CLSTN1: variants seen among roughly 807,000 people sequenced by gnomAD.
CLSTN1 encodes the protein calsyntenin-1.
A neutral mutation model predicts 108.3 loss-of-function variants in CLSTN1; 28 were observed. The ratio of observed to expected loss-of-function variants is 0.26; its 90% CI spans 0.19 to 0.35. The LOEUF is 0.35. Among genes scored for constraint, CLSTN1 ranks in the 10% least tolerant of loss-of-function variants. The probability of loss-of-function intolerance (pLI) is 1.00; values close to 1 mark genes in which losing one functional copy is unlikely to be tolerated. For synonymous variants in CLSTN1, 524 were observed against 534.9 expected (o/e 0.98, Z 0.28); for missense variants, 1,157 against 1,302.6 (o/e 0.89, Z 1.72).
intron 1 of CLSTN1, among the ~76,000 whole-genome samples, chr1:9,785,105 G>A (rs561485155): frequency 6.6e-6 from 1 of 151,476 alleles, no homozygotes; most frequent in African/African-American, 2.4e-5. Context: ...TTAGAGGAGA[G>A]GGGTTTTCAC....
chr1:9,730,400 C>CA lies in CLSTN1; in HGVS notation c.*107dup. The CA allele has an allele frequency of 9.6e-7, 1 of 1,040,946 alleles. No individual in the cohort carries two copies. Among genetic ancestry groups the CA allele is most frequent in the Non-Finnish European group, 1.5e-6 (1 of 687,934 alleles). 64.5% of individuals were successfully genotyped at this position (1,040,946 alleles called of 1,614,324 possible). ...GACGATCGTGGCGGGGAGGGGTCTG[C>CA]ACACCTACTGGCCGAAATGACTTTG... On this transcript the variant is annotated 3_prime_UTR_variant, in exon 19 of 19. Transcript: ENST00000377298. This position sits in a 1 kb window ranked among gnomAD's most constrained non-coding sequence, Gnocchi z 5.6.
chr1:9,783,920 G>A (rs1653363662), intron 1 of CLSTN1, among the ~76,000 whole-genome samples: 3 of 152,018 alleles, frequency 2.0e-5, no homozygotes, highest in South Asian at 2.1e-4. Context: ...TTGAACCTGG[G>A]AGGCAGAGGT....
intron 2 of CLSTN1, among the ~76,000 whole-genome samples, chr1:9,765,025 C>T (rs1258567390): frequency 6.6e-6 from 1 of 152,128 alleles, no homozygotes; most frequent in Non-Finnish European, 1.5e-5. Context: ...TTACTCAATG[C>T]ATTATTGCCT....
chr1:9,809,518 T>G (rs540557433), intron 1 of CLSTN1, among the ~76,000 whole-genome samples: 71 of 152,226 alleles, frequency 4.7e-4, no homozygotes, highest in African/African-American at 1.6e-3. Context: ...GGGTGGCTCA[T>G]GCCTGTAATC....
At chr1:9,753,042 C>A (rs1159751120) in intron 4 of CLSTN1, among the ~76,000 whole-genome samples, 1 of 152,098 alleles carries the variant, frequency 6.6e-6, no homozygotes, top group African/African-American at 2.4e-5. Context: ...CAGCAGTCCC[C>A]AGCCTTTTTG....
chr1:9,823,622 C>T lies in CLSTN1; in HGVS notation c.91+21G>A, dbSNP rs1489788524. The stretch of plus-strand genomic sequence containing the variant: ...CGAATCCCGCACCGACCCAGCGGCC[C>T]GGCCCAGCCCCGGGGCTTACCTCGC... On this transcript the variant is annotated intron_variant, in intron 1 of 18. Transcript: ENST00000377298. The surrounding 1 kb of genome is among the most constrained non-coding windows in gnomAD (Gnocchi z 6.3). The T allele has an allele frequency of 3.4e-6, 4 of 1,177,892 alleles. No homozygotes were observed. In the South Asian group the frequency reaches 1.7e-4, roughly 49 times the overall value. 73.0% of individuals were successfully genotyped at this position (1,177,892 alleles called of 1,614,324 possible). A position where few individuals can be genotyped will look rare whatever the true frequency, so the allele number is the denominator to read the frequency against.
At chr1:9,819,315 T>C (rs1655107466) in intron 1 of CLSTN1, among the ~76,000 whole-genome samples, 1 of 152,192 alleles carries the variant, frequency 6.6e-6, no homozygotes, top group Admixed American at 6.5e-5. Flanking sequence ...TCAGTACTTT[T>C]TTTCCTTTGT....
In CLSTN1 at chr1:9,734,590, G is replaced by A. The variant is rs1388536560; in HGVS notation, c.2110+358C>T. 2.7e-5 allele frequency among the ~76,000 whole-genome samples: 4 copies of A among 148,722 alleles called. No individual in the cohort carries two copies. The highest frequency in any genetic ancestry group is 6.7e-5 in the Admixed American group (1 of 14,998). On this transcript the variant is annotated intron_variant, in intron 14 of 18. Transcript: ENST00000377298. The surrounding 1 kb of genome is among the most constrained non-coding windows in gnomAD (Gnocchi z 4.8). ...ACTCCATCTCAAAAAAAAAAAAAAA[G>A]GGGGGGAGTTTCATGTGTCCTGAGC... is the stretch of plus-strand genomic sequence containing the variant.
intron 1 of CLSTN1, among the ~76,000 whole-genome samples, chr1:9,820,308 T>G (rs1224755578): frequency 6.6e-6 from 1 of 151,984 alleles, no homozygotes; most frequent in African/African-American, 2.4e-5. Context: ...TCACTTGAGG[T>G]CAGAAGTTCA....
chr1:9,782,387 T>C (rs1219724862), intron 1 of CLSTN1, among the ~76,000 whole-genome samples: 1 of 152,148 alleles, frequency 6.6e-6, no homozygotes, highest in African/African-American at 2.4e-5. Context: ...GTAATTTGAG[T>C]CCTTGACTAA....
rs1286486327 is a variant in CLSTN1, at chr1:9,749,814, T to C, written c.749A>G (p.Asp250Gly). The C allele has an allele frequency of 5.0e-6, 8 of 1,614,076 alleles. No individual in the cohort carries two copies. Among genetic ancestry groups the C allele is most frequent in the Non-Finnish European group, 6.8e-6 (8 of 1,180,036 alleles). The change falls in exon 6 of 19, where the codon GAT becomes GGT. Residue 250 changes from aspartate (D) to glycine (G), a missense_variant. By Grantham distance (94) the Asp-to-Gly change is moderately conservative (BLOSUM62 -1). Transcript: ENST00000377298. ...YDCGKKRATE[D>G]VLVKISIKPT... The stretch of plus-strand genomic sequence containing the variant: ...CTTAATGCTGATCTTCACCAAAACA[T>C]CTTCTGTGGCTCTTTTCTTCCCACA...
chr1:9,779,559 C>T (rs763598873), intron 1 of CLSTN1, among the ~76,000 whole-genome samples: 3 of 151,854 alleles, frequency 2.0e-5, no homozygotes, highest in South Asian at 2.1e-4. Context: ...CCAGCCTGGG[C>T]GACAAGAGTG....
chr1:9,735,065 G>C lies in CLSTN1; in HGVS notation c.1993C>G (p.Arg665Gly). The C allele has an allele frequency of 6.2e-7, 1 of 1,614,194 alleles. No homozygotes were observed. Among genetic ancestry groups the C allele is most frequent in the South Asian group, 1.1e-5 (1 of 91,088 alleles). Residue 665 changes from arginine (R) to glycine (G), a missense_variant, in exon 14 of 19, where the codon CGA becomes GGA. Transcript: ENST00000377298. ...GAGCTTTCAAATTCAGAAGCTGCTC[G>C]GGCAAAATGGTGGACGCCACTCAGG... is the stretch of plus-strand genomic sequence containing the variant. ...ISLSGVHHFARAASEFESSEG... is the reference protein window; with the variant it reads ...ISLSGVHHFAGAASEFESSEG...
In CLSTN1 at chr1:9,741,167, G is replaced by A. The variant is rs1253582619; in HGVS notation, c.1446C>T (p.Phe482=). ...LYVDGTSHEP[F]SVTEDYPLHP... is the part of the protein sequence containing the mutation. Reference sequence around the variant, plus strand: ...GGAGCGGGTAATCCTCAGTCACAGAGAAGGGCTCGTGGGACGTGCCATCCA... The same window carrying A: ...GGAGCGGGTAATCCTCAGTCACAGAAAAGGGCTCGTGGGACGTGCCATCCA... The change falls in exon 10 of 19, where the codon TTC becomes TTT. Residue 482 remains phenylalanine (F), a synonymous_variant. Transcript: ENST00000377298. 3 of 1,614,046 alleles carry A rather than the reference G, an allele frequency of 1.9e-6. No individual in the cohort carries two copies. Among genetic ancestry groups the A allele is most frequent in the Non-Finnish European group, 2.5e-6 (3 of 1,180,036 alleles).
chr1:9,730,523 G>A lies in CLSTN1; in HGVS notation c.2931C>T (p.Ser977=). ...TRQQQLEWDD[S]TLSY is the part of the protein sequence containing the mutation. ...GGGGCACGGGTCAGTAGCTGAGGGT[G>A]GAGTCATCCCACTCCAGCTGCTGCT... The change falls in exon 19 of 19, where the codon TCC becomes TCT. Residue 977 remains serine, a synonymous_variant. Coordinates refer to ENST00000377298, the MANE Select transcript of CLSTN1 (RefSeq NM_001009566.3). This position sits in a 1 kb window ranked among gnomAD's most constrained non-coding sequence, Gnocchi z 5.6. 6.2e-7 allele frequency: 1 copy of A among 1,604,762 alleles called. No individual in the cohort carries two copies. The highest frequency in any genetic ancestry group is 8.5e-7 in the Non-Finnish European group (1 of 1,179,940).
chr1:9,793,409 G>A (rs777740400), intron 1 of CLSTN1, among the ~76,000 whole-genome samples: 1 of 151,402 alleles, frequency 6.6e-6, no homozygotes, highest in Non-Finnish European at 1.5e-5. Context: ...GTAATGGGGC[G>A]CCAGGCAAGA....
At chr1:9,780,228 T>A (rs1012350157) in intron 1 of CLSTN1, among the ~76,000 whole-genome samples, 2 of 151,376 alleles carry the variant, frequency 1.3e-5, no homozygotes, top group African/African-American at 4.9e-5. Flanking sequence ...GATTCCAATT[T>A]GGCTTCATAC....
rs1271286781 is a variant in CLSTN1 at position 9,730,824 on chromosome 1, C to A, written c.2749-119G>T. 9.3e-6 allele frequency: 9 copies of A among 966,532 alleles called. No homozygotes were observed. Among genetic ancestry groups the A allele is most frequent in the Non-Finnish European group, 1.2e-5 (8 of 640,474 alleles). The allele number at this position is 966,532 out of a possible 1,614,324, so 59.9% of individuals were successfully genotyped here. On this transcript the variant is annotated intron_variant, in intron 18 of 18. Coordinates refer to ENST00000377298, the MANE Select transcript of CLSTN1 (RefSeq NM_001009566.3). The surrounding 1 kb of genome is among the most constrained non-coding windows in gnomAD (Gnocchi z 5.6). ...CTTGCCCCAGCGTCTCCCTCCCCAG[C>A]GACAGAGCAGCCAGGACGGCACCGG...
chr1:9,764,524 C>A (rs1652231418), intron 2 of CLSTN1, among the ~76,000 whole-genome samples: 1 of 151,586 alleles, frequency 6.6e-6, no homozygotes, highest in African/African-American at 2.4e-5. Flanking sequence ...GTAATCCCAG[C>A]TACTCGGAAG....
Sources: allele counts gnomAD v4.1 joint callset (sites outside exome capture counted in the v4.1 genomes callset), GRCh38; gene constraint gnomAD v4.1.1; non-coding constraint Gnocchi (gnomAD v3.1); transcripts MANE v1.5; gene names NCBI Gene and HGNC (gene_info 2026-07-23, HGNC 2026-07-21).